The following UBE2E2 variants were observed in gnomAD, a reference collection of about 807,000 sequenced individuals.
UBE2E2 encodes ubiquitin-conjugating enzyme E2 E2.
A neutral mutation model predicts 24.7 loss-of-function variants in UBE2E2; 6 were observed. That is an observed-to-expected ratio of 0.24 (90% CI 0.13 to 0.48). The LOEUF is 0.48. UBE2E2 is among the 20% of genes least tolerant of loss of function. The probability of loss-of-function intolerance (pLI) is 0.99; values close to 1 mark genes in which losing one functional copy is unlikely to be tolerated. For synonymous variants in UBE2E2, 104 were observed against 83.6 expected (o/e 1.24, Z -1.33); for missense variants, 169 against 245.0 (o/e 0.69, Z 2.07).
intron 4 of UBE2E2, among the ~76,000 whole-genome samples, chr3:23,509,651 A>G (rs923223043): frequency 2.6e-5 from 4 of 151,938 alleles, no homozygotes; most frequent in Non-Finnish European, 4.4e-5. Context: ...ATATGTATAC[A>G]TGTGCCATGT....
chr3:23,417,816 C>A (rs115462114), intron 3 of UBE2E2, among the ~76,000 whole-genome samples: 4,381 of 152,274 alleles, frequency 0.029, 109 homozygotes, highest in East Asian at 0.13. Context: ...CTGTGGTGGG[C>A]CCTACCCAGT....
chr3:23,562,488 T>C (rs932578640), intron 5 of UBE2E2, among the ~76,000 whole-genome samples: 3 of 152,170 alleles, frequency 2.0e-5, no homozygotes, highest in Admixed American at 2.0e-4. Flanking sequence ...TTATTGAGGA[T>C]TTTTGCATCG....
chr3:23,424,369 A>G (rs1042228305), intron 3 of UBE2E2, among the ~76,000 whole-genome samples: 1 of 152,010 alleles, frequency 6.6e-6, no homozygotes, highest in African/African-American at 2.4e-5. Context: ...TAGCTGGGGT[A>G]TCTACTCTTG....
chr3:23,347,599 T>C (rs1183281519), intron 3 of UBE2E2, among the ~76,000 whole-genome samples: 1 of 152,116 alleles, frequency 6.6e-6, no homozygotes, highest in Admixed American at 6.6e-5. Flanking sequence ...AAATACCTCA[T>C]GTAAATGATG....
In UBE2E2 at chr3:23,294,991, C is replaced by T. The variant is rs116973223; in HGVS notation, c.227+77679C>T. ...AAACTGAGTCTAAAACCACTTCTCT[C>T]TACTTCCTCTTGTCTTTTTCATTTA... On this transcript the variant is annotated intron_variant, in intron 3 of 5. Coordinates refer to ENST00000396703, the MANE Select transcript of UBE2E2 (RefSeq NM_152653.4). Among the ~76,000 whole-genome samples, 31 of 152,232 alleles carry T rather than the reference C, an allele frequency of 2.0e-4. 1 individual carries two copies. The East Asian group carries it at 5.6e-3, about 27-fold the overall frequency.
intron 3 of UBE2E2, among the ~76,000 whole-genome samples, chr3:23,269,459 G>A (rs913640187): frequency 1.3e-5 from 2 of 152,302 alleles, no homozygotes; most frequent in Admixed American, 1.3e-4. Context: ...ATAAAGAAAT[G>A]TAGAGGGCAC....
chr3:23,387,514 G>T (rs1183792512), intron 3 of UBE2E2, among the ~76,000 whole-genome samples: 1 of 152,000 alleles, frequency 6.6e-6, no homozygotes, highest in South Asian at 2.1e-4. Context: ...TCTTGTCATG[G>T]CCTTTTTTAA....
intron 3 of UBE2E2, among the ~76,000 whole-genome samples, chr3:23,440,894 A>G (rs1321200513): frequency 1.3e-5 from 2 of 152,122 alleles, no homozygotes; most frequent in Non-Finnish European, 2.9e-5. Flanking sequence ...ATGTAGCTGT[A>G]TATTTAAATC....
chr3:23,319,941 G>A (rs1694700221), intron 3 of UBE2E2, among the ~76,000 whole-genome samples: 1 of 152,196 alleles, frequency 6.6e-6, no homozygotes, highest in Non-Finnish European at 1.5e-5. Flanking sequence ...GAACATAGCT[G>A]AGATCCCTAA....
intron 3 of UBE2E2, among the ~76,000 whole-genome samples, chr3:23,411,424 T>C (rs1180135607): frequency 1.3e-5 from 2 of 152,144 alleles, no homozygotes; most frequent in African/African-American, 4.8e-5. Flanking sequence ...GTCCTTTGCC[T>C]CTTGCCTGAT....
At chr3:23,354,732 G>C (rs1405326591) in intron 3 of UBE2E2, among the ~76,000 whole-genome samples, 3 of 152,174 alleles carry the variant, frequency 2.0e-5, no homozygotes, top group African/African-American at 7.2e-5. Flanking sequence ...GGAAGCAACA[G>C]GTGCTGGAGA....
chr3:23,510,443 C>CA (rs1252306092), intron 4 of UBE2E2, among the ~76,000 whole-genome samples: 1 of 151,802 alleles, frequency 6.6e-6, no homozygotes, highest in African/African-American at 2.4e-5. Context: ...CCTTTGTCTA[C>CA]AAAAAATACA....
intron 3 of UBE2E2, among the ~76,000 whole-genome samples, chr3:23,344,862 G>C (rs1271911548): frequency 6.6e-6 from 1 of 151,712 alleles, no homozygotes; most frequent in Non-Finnish European, 1.5e-5. Context: ...TAGCACATAA[G>C]TGATCATTAA....
intron 1 of UBE2E2, chr3:23,204,592 G>T: frequency 1.4e-6 from 1 of 711,088 alleles, no homozygotes; most frequent in Non-Finnish European, 1.7e-6. Flanking sequence ...ACGGCAATTT[G>T]GATGCTCCTT....
intron 3 of UBE2E2, among the ~76,000 whole-genome samples, chr3:23,367,491 G>T (rs1214408203): frequency 6.6e-6 from 1 of 152,132 alleles, no homozygotes; most frequent in Non-Finnish European, 1.5e-5. Flanking sequence ...TAACTCGAAG[G>T]GTTTGGAGAA....
At chr3:23,226,025 G>T (rs773354622) in intron 3 of UBE2E2, among the ~76,000 whole-genome samples, 6 of 151,998 alleles carry the variant, frequency 3.9e-5, no homozygotes, top group African/African-American at 1.2e-4. Flanking sequence ...AACTACAGGC[G>T]CATGCCACCA....
At chr3:23,506,050 A>C (rs949637396) in intron 4 of UBE2E2, among the ~76,000 whole-genome samples, 1 of 152,096 alleles carries the variant, frequency 6.6e-6, no homozygotes, top group Non-Finnish European at 1.5e-5. Flanking sequence ...TGTTAATGCT[A>C]CTACTCAAAG....
At chr3:23,299,958 C>A (rs935669796) in intron 3 of UBE2E2, among the ~76,000 whole-genome samples, 2 of 152,084 alleles carry the variant, frequency 1.3e-5, no homozygotes, top group African/African-American at 4.8e-5. Context: ...CTTTATGAAT[C>A]TGGGTGCTCC....
intron 3 of UBE2E2, among the ~76,000 whole-genome samples, chr3:23,246,387 A>ATTTTTTTT (rs35802594): frequency 2.4e-5 from 3 of 122,468 alleles, no homozygotes; most frequent in African/African-American, 3.2e-5. Context: ...TGCCTGGCTA[A>ATTTTTTTT]TTTTTTTTTT....
Sources: gnomAD v4.1 joint callset for allele counts (sites outside exome capture counted in the v4.1 genomes callset) on GRCh38, gnomAD v4.1.1 for gene constraint, MANE v1.5 for transcripts, NCBI Gene and HGNC (gene_info 2026-07-23, HGNC 2026-07-21) for gene names.